The following HS3ST4 variants were observed in gnomAD, a reference collection of about 807,000 sequenced individuals.
The protein encoded by HS3ST4 is heparan sulfate glucosamine 3-O-sulfotransferase 4.
Under a neutral mutation model 29.2 loss-of-function variants are expected in HS3ST4, and 17 were observed. The ratio of observed to expected loss-of-function variants is 0.58; its 90% CI spans 0.40 to 0.87. The LOEUF (loss-of-function observed/expected upper bound fraction) is 0.87. Ranked by LOEUF, HS3ST4 falls within the 40% of genes least tolerant of loss-of-function variation. The pLI is 0.00. For missense variants in HS3ST4, 627 were observed against 634.5 expected, an observed-to-expected ratio of 0.99 and a Z score of 0.13; for synonymous variants, 314 against 285.7, an observed-to-expected ratio of 1.10 and a Z score of -1.00.
At chr16:25,872,968 C>T (rs1191638329) in intron 1 of HS3ST4, among the ~76,000 whole-genome samples, 1 of 152,222 alleles carries the variant, frequency 6.6e-6, no homozygotes, top group East Asian at 1.9e-4. Flanking sequence ...CTCATGTAAT[C>T]TCAGTTGAAG....
At chr16:25,729,732 C>T (rs1272042110) in intron 1 of HS3ST4, among the ~76,000 whole-genome samples, 4 of 152,160 alleles carry the variant, frequency 2.6e-5, no homozygotes, top group South Asian at 2.1e-4. Flanking sequence ...TCGAGTCTCA[C>T]GTGGGTCGTT....
intron 1 of HS3ST4, among the ~76,000 whole-genome samples, chr16:25,999,501 C>T (rs1969186325): frequency 6.9e-6 from 1 of 144,866 alleles, no homozygotes; most frequent in Admixed American, 7.0e-5. Flanking sequence ...GTACTGATCA[C>T]TTCAGCCACT....
chr16:25,864,636 C>G (rs549968778), intron 1 of HS3ST4, among the ~76,000 whole-genome samples: 8 of 152,096 alleles, frequency 5.3e-5, no homozygotes, highest in African/African-American at 1.9e-4. Context: ...ATAAGGGAGG[C>G]CATGAAGTAT....
intron 1 of HS3ST4, among the ~76,000 whole-genome samples, chr16:25,983,601 G>A (rs947318215): frequency 1.2e-4 from 19 of 152,152 alleles, no homozygotes; most frequent in African/African-American, 4.3e-4. Context: ...TATCATTCGT[G>A]GTGGATGCTT....
intron 1 of HS3ST4, among the ~76,000 whole-genome samples, chr16:26,052,120 G>A (rs998614640): frequency 6.6e-6 from 1 of 152,096 alleles, no homozygotes; most frequent in Non-Finnish European, 1.5e-5. Context: ...ATTCCAGAGA[G>A]GGTTGTGTCC....
chr16:25,801,983 T>C (rs988057032), intron 1 of HS3ST4, among the ~76,000 whole-genome samples: 1 of 151,506 alleles, frequency 6.6e-6, no homozygotes, highest in Non-Finnish European at 1.5e-5. Context: ...ATTTTCTTTT[T>C]TTTTTTTTGC....
At chr16:25,738,404 C>A (rs992527765) in intron 1 of HS3ST4, among the ~76,000 whole-genome samples, 1 of 152,222 alleles carries the variant, frequency 6.6e-6, no homozygotes, top group Non-Finnish European at 1.5e-5. Context: ...TTGTTTCTAA[C>A]TGAGGGCCTT....
chr16:25,808,562 T>C (rs1967011423), intron 1 of HS3ST4, among the ~76,000 whole-genome samples: 1 of 152,188 alleles, frequency 6.6e-6, no homozygotes, highest in Admixed American at 6.5e-5. Context: ...TCTCCTTTTA[T>C]TTTTCTTTTT....
rs982580223 is a variant in HS3ST4 at position 25,998,763 on chromosome 16, C to G, written c.735-136849C>G. 2.6e-5 allele frequency among the ~76,000 whole-genome samples: 4 copies of G among 151,990 alleles called. No homozygotes were observed. In the South Asian group the frequency reaches 8.3e-4, roughly 32 times the overall value. The stretch of plus-strand genomic sequence containing the variant: ...AGAACTAGCAAAAAATCCTTACTTC[C>G]TGGGATGAATTTTCCTCTTTTCTGC... On this transcript the variant is annotated intron_variant, in intron 1 of 1. Transcript: ENST00000331351.
At chr16:25,918,733 A>T (rs1281100563) in intron 1 of HS3ST4, among the ~76,000 whole-genome samples, 1 of 152,154 alleles carries the variant, frequency 6.6e-6, no homozygotes, top group Non-Finnish European at 1.5e-5. Flanking sequence ...TGAACCTGGG[A>T]GGCACAGGTT....
At chr16:25,876,833 A>C (rs1338444402) in intron 1 of HS3ST4, among the ~76,000 whole-genome samples, 1 of 152,074 alleles carries the variant, frequency 6.6e-6, no homozygotes, top group Non-Finnish European at 1.5e-5. Context: ...TCTCCTCTCC[A>C]AGCTGAGCTA....
At chr16:25,781,881 CT>C (rs1250266036) in intron 1 of HS3ST4, among the ~76,000 whole-genome samples, 5 of 152,110 alleles carry the variant, frequency 3.3e-5, no homozygotes, top group Admixed American at 3.3e-4. Context: ...TGTTTCCTCC[CT>C]TCTTGCTTCT....
At chr16:25,872,991 C>T (rs1042017484) in intron 1 of HS3ST4, among the ~76,000 whole-genome samples, 23 of 152,112 alleles carry the variant, frequency 1.5e-4, no homozygotes, top group African/African-American at 5.3e-4. Flanking sequence ...TCTGGCTTTG[C>T]CCACTTCTGC....
chr16:26,055,492 G>A (rs1426200029), intron 1 of HS3ST4, among the ~76,000 whole-genome samples: 2 of 152,138 alleles, frequency 1.3e-5, no homozygotes, highest in Non-Finnish European at 2.9e-5. Context: ...GGGCACAGAG[G>A]CTATCAGGGA....
chr16:25,793,534 T>C (rs1173039396), intron 1 of HS3ST4, among the ~76,000 whole-genome samples: 1 of 151,994 alleles, frequency 6.6e-6, no homozygotes, highest in Non-Finnish European at 1.5e-5. Flanking sequence ...TGTGAAACAT[T>C]CTTCATCTTT....
chr16:25,815,738 A>G (rs1487856615), intron 1 of HS3ST4, among the ~76,000 whole-genome samples: 1 of 152,224 alleles, frequency 6.6e-6, no homozygotes, highest in Non-Finnish European at 1.5e-5. Context: ...CATTAGCTTC[A>G]TGGTCAACTT....
intron 1 of HS3ST4, among the ~76,000 whole-genome samples, chr16:26,067,036 T>C (rs369292923): frequency 2.7e-4 from 41 of 152,306 alleles, no homozygotes; most frequent in African/African-American, 9.6e-4. Context: ...AAAGTCCTTG[T>C]AAGTGCATGG....
chr16:25,923,566 A>G (rs74682854), intron 1 of HS3ST4, among the ~76,000 whole-genome samples: 1 of 152,132 alleles, frequency 6.6e-6, no homozygotes, highest in Non-Finnish European at 1.5e-5. Context: ...ATGACCCTTC[A>G]TTATACTGTA....
At chr16:26,123,329 C>T (rs367806650) in intron 1 of HS3ST4, among the ~76,000 whole-genome samples, 1 of 152,098 alleles carries the variant, frequency 6.6e-6, no homozygotes, top group African/African-American at 2.4e-5. Context: ...CCCAGAGACT[C>T]AACACTTCCT....
Sources: allele counts gnomAD v4.1 joint callset (sites outside exome capture counted in the v4.1 genomes callset), GRCh38; gene constraint gnomAD v4.1.1; transcripts MANE v1.5; gene names NCBI Gene and HGNC (gene_info 2026-07-23, HGNC 2026-07-21).